BMPR1B: variants seen among roughly 807,000 people sequenced by gnomAD.
BMPR1B encodes bone morphogenetic protein receptor type 1B, also known as bone morphogenetic protein receptor type-1B.
Under a neutral mutation model 59.1 loss-of-function variants are expected in BMPR1B, and 12 were observed. That is an observed-to-expected ratio of 0.20 (90% CI 0.13 to 0.33). The LOEUF is 0.33. Among genes scored for constraint, BMPR1B ranks in the 10% least tolerant of loss-of-function variants. The pLI is 1.00. For synonymous variants in BMPR1B, 237 were observed against 207.3 expected (o/e 1.14, Z -1.23); for missense variants, 550 against 610.9 (o/e 0.90, Z 1.05).
chr4:94,995,760 A>C (rs549241135), intron 2 of BMPR1B: 3 of 152,318 alleles, frequency 2.0e-5, no homozygotes, highest in African/African-American at 7.2e-5. Flanking sequence ...CCAGGCAAGC[A>C]CAGGGTTGCT....
chr4:95,082,215 T>G (rs1157464649), intron 3 of BMPR1B, among the ~76,000 whole-genome samples: 9 of 101,938 alleles, frequency 8.8e-5, no homozygotes, highest in Non-Finnish European at 2.3e-4. Context: ...AACTGTTCAA[T>G]TTTTTTTTAA....
At chr4:94,815,124 C>T (rs1177054514) in intron 1 of BMPR1B, among the ~76,000 whole-genome samples, 1 of 152,108 alleles carries the variant, frequency 6.6e-6, no homozygotes, top group African/African-American at 2.4e-5. Flanking sequence ...AGGCTGGTCT[C>T]AAACTCCTAA....
At chr4:95,002,859 G>A (rs946794678) in intron 3 of BMPR1B, among the ~76,000 whole-genome samples, 1 of 152,140 alleles carries the variant, frequency 6.6e-6, no homozygotes, top group East Asian at 1.9e-4. Context: ...AGAGGAAAGT[G>A]ATATTTAATT....
chr4:95,109,836 A>C (rs1731492313), intron 4 of BMPR1B, among the ~76,000 whole-genome samples: 2 of 149,274 alleles, frequency 1.3e-5, no homozygotes, highest in Non-Finnish European at 3.0e-5. Flanking sequence ...CATTAGGTGT[A>C]TCTCCTAATG....
chr4:94,837,122 C>G (rs1724854101), intron 1 of BMPR1B, among the ~76,000 whole-genome samples: 1 of 145,282 alleles, frequency 6.9e-6, no homozygotes, highest in African/African-American at 2.6e-5. Flanking sequence ...ATCTATATCT[C>G]TGTTTTGGTA....
chr4:95,055,793 G>A (rs1309162263), intron 3 of BMPR1B, among the ~76,000 whole-genome samples: 2 of 152,098 alleles, frequency 1.3e-5, no homozygotes, highest in Non-Finnish European at 2.9e-5. Context: ...TCTTATCTGT[G>A]TATAAATGTC....
At chr4:95,058,629 G>A (rs879749957) in intron 3 of BMPR1B, among the ~76,000 whole-genome samples, 3 of 152,084 alleles carry the variant, frequency 2.0e-5, no homozygotes, top group African/African-American at 4.8e-5. Context: ...CCAATAGCAC[G>A]GAGCTTCAGA....
At chr4:94,902,216 TCACACACACACA>T (rs748411550) in intron 2 of BMPR1B, among the ~76,000 whole-genome samples, 2 of 77,316 alleles carry the variant, frequency 2.6e-5, no homozygotes, top group African/African-American at 5.0e-5. Flanking sequence ...GAAATTCAAT[TCACACACACACA>T]CACACACACA....
chr4:94,917,906 T>C (rs915602342), intron 2 of BMPR1B, among the ~76,000 whole-genome samples: 1 of 152,170 alleles, frequency 6.6e-6, no homozygotes, highest in South Asian at 2.1e-4. Flanking sequence ...CCCTCATGAC[T>C]TGATGCTGTC....
intron 2 of BMPR1B, among the ~76,000 whole-genome samples, chr4:94,970,300 TC>T (rs749637671): frequency 0.13 from 11,482 of 90,930 alleles, 527 homozygotes; most frequent in South Asian, 0.15. Flanking sequence ...TCTTCTCTTC[TC>T]TTCTTTCTCT....
At chr4:95,102,077 C>T (rs1236835621) in intron 3 of BMPR1B, among the ~76,000 whole-genome samples, 1 of 152,128 alleles carries the variant, frequency 6.6e-6, no homozygotes, top group African/African-American at 2.4e-5. Flanking sequence ...TCCCATTTTA[C>T]AAATATACCT....
intron 5 of BMPR1B, 104 bp downstream of exon 5, chr4:95,114,926 T>TG: frequency 9.1e-7 from 1 of 1,097,346 alleles, no homozygotes; most frequent in Non-Finnish European, 1.4e-6. Context: ...ATTTTTAGTA[T>TG]AGTCATGAGC....
chr4:95,146,241 T>C (rs1023652486), intron 10 of BMPR1B, among the ~76,000 whole-genome samples: 1 of 152,158 alleles, frequency 6.6e-6, no homozygotes, highest in Non-Finnish European at 1.5e-5. Flanking sequence ...TTGCTGAACA[T>C]GCATATGTAT....
chr4:95,054,974 A>G (rs1046397522), intron 3 of BMPR1B, among the ~76,000 whole-genome samples: 3 of 152,212 alleles, frequency 2.0e-5, no homozygotes, highest in South Asian at 2.1e-4. Flanking sequence ...CTAATAGGCT[A>G]TTAAAGCAAT....
At chr4:95,008,630 G>A (rs1421260229) in intron 3 of BMPR1B, among the ~76,000 whole-genome samples, 1 of 151,844 alleles carries the variant, frequency 6.6e-6, no homozygotes, top group African/African-American at 2.4e-5. Flanking sequence ...ACCAGAAATA[G>A]AGCAAATAAT....
intron 2 of BMPR1B, among the ~76,000 whole-genome samples, chr4:94,994,024 A>G (rs1313280638): frequency 1.3e-5 from 2 of 152,200 alleles, no homozygotes; most frequent in East Asian, 1.9e-4. Flanking sequence ...AATATTTCCA[A>G]TAGGGTAGAA....
rs367777041 is a variant in BMPR1B, at chr4:95,125,060, C to G, written c.524C>G (p.Ser175Cys). ...QDETYIPPGE[S>C]LRDLIEQSQS... ...GAAACTTACATTCCTCCTGGAGAAT[C>G]CCTGAGAGACTTAATTGAGCAGTCT... is the stretch of plus-strand genomic sequence containing the variant. The change falls in exon 8 of 13, where the codon TCC becomes TGC. Residue 175 changes from serine to cysteine, a missense_variant. Around this residue, in one of 6 missense-constraint regions of BMPR1B, gnomAD observed 318 missense variants for 284.6 expected, o/e 1.12. Transcript: ENST00000515059. The G allele has an allele frequency of 4.3e-6, 7 of 1,613,668 alleles. No individual in the cohort carries two copies. Among genetic ancestry groups the G allele is most frequent in the Admixed American group, 3.3e-5 (2 of 59,926 alleles).
chr4:95,115,589 T>C (rs1179840699), intron 5 of BMPR1B, 96 bp from the exon 6 acceptor site: 31 of 1,022,848 alleles, frequency 3.0e-5, no homozygotes, highest in Non-Finnish European at 4.4e-5. Context: ...GAATTTTAAA[T>C]TAGTTCTCTA....
At chr4:94,881,321 G>A (rs1726961481) in intron 2 of BMPR1B, among the ~76,000 whole-genome samples, 1 of 152,068 alleles carries the variant, frequency 6.6e-6, no homozygotes, top group South Asian at 2.1e-4. Flanking sequence ...GTATTTAGAA[G>A]CATGTTTCTT....
Sources: gnomAD v4.1 joint callset for allele counts (sites outside exome capture counted in the v4.1 genomes callset) on GRCh38, gnomAD v4.1.1 for gene constraint, gnomAD v4.1.1 regional missense constraint, MANE v1.5 for transcripts, NCBI Gene and HGNC (gene_info 2026-07-23, HGNC 2026-07-21) for gene names.